Variants in IGSF11 observed in about 807,000 individuals in gnomAD.
IGSF11 encodes the protein immunoglobulin superfamily member 11.
A neutral mutation model predicts 41.0 loss-of-function variants in IGSF11; 22 were observed. The ratio of observed to expected loss-of-function variants is 0.54; its 90% CI spans 0.38 to 0.77. The LOEUF (loss-of-function observed/expected upper bound fraction) is 0.77. IGSF11 is among the 30% of genes least tolerant of loss of function. The pLI, the probability that IGSF11 is intolerant of heterozygous loss-of-function variation, is 0.00. For synonymous variants in IGSF11, 219 were observed against 201.3 expected (o/e 1.09, Z -0.74); for missense variants, 444 against 530.8 (o/e 0.84, Z 1.61).
intron 1 of IGSF11, among the ~76,000 whole-genome samples, chr3:118,995,736 T>C (rs967186282): frequency 2.6e-5 from 4 of 152,076 alleles, no homozygotes; most frequent in Admixed American, 1.3e-4. Flanking sequence ...CACTGAAACC[T>C]CCACCTCCTG....
intron 1 of IGSF11, among the ~76,000 whole-genome samples, chr3:119,020,167 C>T (rs1342102535): frequency 6.6e-6 from 1 of 152,172 alleles, no homozygotes; most frequent in Non-Finnish European, 1.5e-5. Flanking sequence ...TATTGTGTTA[C>T]TACGGCCCAA....
chr3:119,043,233 T>G (rs942870936), intron 1 of IGSF11, among the ~76,000 whole-genome samples: 1 of 152,210 alleles, frequency 6.6e-6, no homozygotes, highest in South Asian at 2.1e-4. Context: ...AGGGGGTTGC[T>G]GTTGCCAGCT....
intron 1 of IGSF11, among the ~76,000 whole-genome samples, chr3:119,074,810 C>G (rs2076465135): frequency 1.3e-5 from 2 of 152,010 alleles, no homozygotes; most frequent in Non-Finnish European, 2.9e-5. Context: ...TGAGATCGCA[C>G]CACTGCACTC....
At chr3:118,995,645 G>GTTTATTTA (rs34860359) in intron 1 of IGSF11, among the ~76,000 whole-genome samples, 29 of 144,688 alleles carry the variant, frequency 2.0e-4, no homozygotes, top group South Asian at 1.1e-3. Context: ...TGGTTTGCTT[G>GTTTATTTA]TTTATTTATT....
At chr3:119,131,356 T>G (rs1342217048) in intron 1 of IGSF11, among the ~76,000 whole-genome samples, 1 of 152,136 alleles carries the variant, frequency 6.6e-6, no homozygotes. Flanking sequence ...GAGAAGACCT[T>G]AAATGACCTG....
chr3:119,114,154 T>C (rs1187274251), intron 1 of IGSF11, among the ~76,000 whole-genome samples: 1 of 152,238 alleles, frequency 6.6e-6, no homozygotes, highest in African/African-American at 2.4e-5. Context: ...GTATCTAAAA[T>C]GCCTTCAAGG....
chr3:118,956,071 C>T (rs1220208393), intron 1 of IGSF11, among the ~76,000 whole-genome samples: 5 of 152,186 alleles, frequency 3.3e-5, no homozygotes, highest in Non-Finnish European at 5.9e-5. Flanking sequence ...AAGACAACTT[C>T]CTTCCTGAAA....
chr3:119,034,381 T>C, intron 1 of IGSF11, 150 bp downstream of exon 1: 1 of 771,582 alleles, frequency 1.3e-6, no homozygotes, highest in Non-Finnish European at 1.9e-6. Context: ...CGCGCGAGCC[T>C]CGGCCGCAGC....
chr3:119,001,601 C>T (rs1283850163), intron 1 of IGSF11, among the ~76,000 whole-genome samples: 45 of 138,222 alleles, frequency 3.3e-4, no homozygotes, highest in African/African-American at 1.1e-3. Flanking sequence ...AGGTATATCT[C>T]CCAATGCTAT....
At chr3:119,112,631 A>T in intron 1 of IGSF11, 1 of 153,818 alleles carries the variant, frequency 6.5e-6, no homozygotes, top group Non-Finnish European at 1.4e-5. Flanking sequence ...GGCACTCCCT[A>T]GTAAGATGAA....
At chr3:118,959,065 T>A (rs1413014544) in intron 1 of IGSF11, among the ~76,000 whole-genome samples, 1 of 152,142 alleles carries the variant, frequency 6.6e-6, no homozygotes, top group Non-Finnish European at 1.5e-5. Context: ...AAGGCTGTTT[T>A]GCTGGTAAAT....
chr3:119,015,588 T>A (rs996135656), intron 1 of IGSF11, among the ~76,000 whole-genome samples: 1 of 152,196 alleles, frequency 6.6e-6, no homozygotes, highest in Non-Finnish European at 1.5e-5. Context: ...AGGCAGGAAC[T>A]TGAGAAAAAA....
At chr3:119,081,255 AT>A (rs1225305652) in intron 1 of IGSF11, among the ~76,000 whole-genome samples, 1 of 151,130 alleles carries the variant, frequency 6.6e-6, no homozygotes, top group African/African-American at 2.4e-5. Context: ...TTTCACTTCT[AT>A]TTTTGTCTCT....
intron 1 of IGSF11, among the ~76,000 whole-genome samples, chr3:118,979,332 CTATT>C (rs982594834): frequency 6.6e-6 from 1 of 152,058 alleles, no homozygotes; most frequent in African/African-American, 2.4e-5. Flanking sequence ...GTTAGAAAAA[CTATT>C]TAATAAAATA....
intron 1 of IGSF11, among the ~76,000 whole-genome samples, chr3:119,029,668 G>C (rs891476395): frequency 6.6e-6 from 1 of 152,224 alleles, no homozygotes; most frequent in Non-Finnish European, 1.5e-5. Flanking sequence ...GAGTGTGACT[G>C]CTGTGAACAG....
Position 118,902,447 on chromosome 3 carries a change from T to TCCCCCCCCCCCCCC in IGSF11, c.*72_*73insGGGGGGGGGGGGGG. The stretch of plus-strand genomic sequence containing the variant: ...TAAGGAAGTGTTTCTTTCCCAGCAC[T>TCCCCCCCCCCCCCC]CCCCACCCCACCCTCCCCCTTGTAT... On this transcript the variant is annotated 3_prime_UTR_variant, in exon 7 of 7. Coordinates refer to ENST00000393775, the MANE Select transcript of IGSF11 (RefSeq NM_001015887.3). 1 of 563,916 alleles carries TCCCCCCCCCCCCCC rather than the reference T, an allele frequency of 1.8e-6. No homozygotes were observed. The highest frequency in any genetic ancestry group is 3.4e-6 in the Non-Finnish European group (1 of 298,020). The allele number at this position is 563,916 out of a possible 1,614,324, so 34.9% of individuals were successfully genotyped here. A position where few individuals can be genotyped will look rare whatever the true frequency, so the allele number is the denominator to read the frequency against.
intron 2 of IGSF11, among the ~76,000 whole-genome samples, chr3:118,929,719 C>T (rs568589765): frequency 2.6e-5 from 4 of 152,026 alleles, no homozygotes; most frequent in Middle Eastern, 3.2e-3. Context: ...CTTTAAAATA[C>T]TAGTGAAATT....
intron 1 of IGSF11, among the ~76,000 whole-genome samples, chr3:118,951,086 A>T (rs61394128): frequency 9.0e-4 from 137 of 152,308 alleles, no homozygotes; most frequent in African/African-American, 3.2e-3. Context: ...TATCTGCACC[A>T]CCCAACATAG....
At chr3:119,065,271 AC>A (rs1407876431) in intron 1 of IGSF11, among the ~76,000 whole-genome samples, 4 of 152,138 alleles carry the variant, frequency 2.6e-5, no homozygotes, top group African/African-American at 9.7e-5. Flanking sequence ...TGATAATGTC[AC>A]CTCTCACTTT....
Sources: gnomAD v4.1 joint callset for allele counts (sites outside exome capture counted in the v4.1 genomes callset) on GRCh38, gnomAD v4.1.1 for gene constraint, MANE v1.5 for transcripts, NCBI Gene and HGNC (gene_info 2026-07-23, HGNC 2026-07-21) for gene names.